ANO6: variants seen among roughly 807,000 people sequenced by gnomAD.
ANO6 encodes anoctamin 6, also known as anoctamin-6.
A neutral mutation model predicts 117.5 loss-of-function variants in ANO6; 106 were observed. The observed-to-expected ratio is 0.90, with a 90% CI of 0.77 to 1.06. ANO6 has a LOEUF of 1.06. Ranked by LOEUF, ANO6 falls within the 50% of genes least tolerant of loss-of-function variation. The probability of loss-of-function intolerance (pLI) is 0.00; values close to 1 mark genes in which losing one functional copy is unlikely to be tolerated. For missense variants in ANO6, 955 were observed against 1,121.1 expected, an observed-to-expected ratio of 0.85 and a Z score of 2.12; for synonymous variants, 367 against 385.1, an observed-to-expected ratio of 0.95 and a Z score of 0.55.
At chr12:45,376,093 A>G (rs1395290252) in intron 9 of ANO6, among the ~76,000 whole-genome samples, 19 of 151,680 alleles carry the variant, frequency 1.3e-4, no homozygotes, top group Non-Finnish European at 1.8e-4. Flanking sequence ...CAAAAGACAC[A>G]TGAAAAAATG....
At chr12:45,428,301 A>G (rs1455227385) in intron 19 of ANO6, among the ~76,000 whole-genome samples, 1 of 152,232 alleles carries the variant, frequency 6.6e-6, no homozygotes, top group Non-Finnish European at 1.5e-5. Flanking sequence ...ATAGAATAAC[A>G]ATCTTAGGAA....
intron 1 of ANO6, among the ~76,000 whole-genome samples, chr12:45,237,042 T>A (rs1947657027): frequency 1.3e-5 from 2 of 152,260 alleles, no homozygotes; most frequent in South Asian, 4.1e-4. Flanking sequence ...GAGAAGTGTC[T>A]GTTCATATCC....
chr12:45,395,576 G>A (rs1476163967), intron 12 of ANO6, among the ~76,000 whole-genome samples: 3 of 152,148 alleles, frequency 2.0e-5, no homozygotes, highest in African/African-American at 4.8e-5. Flanking sequence ...GATGAACATC[G>A]ATGTGAAAAT....
downstream of ANO6, among the ~76,000 whole-genome samples, chr12:45,435,058 C>T (rs933098944): frequency 3.9e-5 from 6 of 152,204 alleles, no homozygotes; most frequent in Non-Finnish European, 7.3e-5. Context: ...TCTCTTGAAG[C>T]TCTATTACCT....
chr12:45,415,644 G>A (rs1416353602), intron 16 of ANO6, among the ~76,000 whole-genome samples: 1 of 152,240 alleles, frequency 6.6e-6, no homozygotes, highest in African/African-American at 2.4e-5. Context: ...CTCTGCATGA[G>A]TGTTCCTGCC....
chr12:45,255,384 T>C (rs1020982946), intron 1 of ANO6, among the ~76,000 whole-genome samples: 1 of 152,102 alleles, frequency 6.6e-6, no homozygotes, highest in African/African-American at 2.4e-5. Context: ...GCACCTGTAG[T>C]CCCAGCTACT....
chr12:45,335,721 G>T (rs954112799), intron 3 of ANO6: 1 of 152,004 alleles, frequency 6.6e-6, no homozygotes, highest in African/African-American at 2.4e-5. Context: ...TATTCAACCT[G>T]TAGTGTCCAT....
At chr12:45,414,369 G>A (rs1161525196) in intron 16 of ANO6, among the ~76,000 whole-genome samples, 1 of 151,898 alleles carries the variant, frequency 6.6e-6, no homozygotes, top group African/African-American at 2.4e-5. Flanking sequence ...AATTATATGG[G>A]CTTTTTCTGG....
chr12:45,370,042 C>T (rs986452028), intron 9 of ANO6, among the ~76,000 whole-genome samples: 4 of 152,234 alleles, frequency 2.6e-5, no homozygotes, highest in African/African-American at 9.6e-5. Context: ...CCTACATATG[C>T]AGCTCTTTCT....
At position 45,367,740 on chromosome 12, in the gene ANO6, T is replaced by C. The variant is rs1286408831; in HGVS notation, c.1051T>C (p.Cys351Arg). The change falls in exon 9 of 20, where the codon TGT becomes CGT. Residue 351 changes from cysteine (C) to arginine (R), a missense_variant. Coordinates refer to ENST00000320560, the MANE Select transcript of ANO6 (RefSeq NM_001025356.3). ...TGGCAAGATCATAATGTGTCCTCAGTGTGATAGGCTTTGTCCATTCTGGAA... is the reference window on the plus strand; with the variant it reads ...TGGCAAGATCATAATGTGTCCTCAGCGTGATAGGCTTTGTCCATTCTGGAA... ...IGGKIIMCPQ[C>R]DRLCPFWKLN... 1 of 1,613,770 alleles carries C rather than the reference T, an allele frequency of 6.2e-7. No individual in the cohort carries two copies. The highest frequency in any genetic ancestry group is 1.3e-5 in the African/African-American group (1 of 75,054).
chr12:45,311,035 T>C (rs1939833129), intron 2 of ANO6, among the ~76,000 whole-genome samples: 1 of 152,090 alleles, frequency 6.6e-6, no homozygotes, highest in Admixed American at 6.6e-5. Flanking sequence ...TGGAGGTTGT[T>C]AGATTGACAG....
intron 10 of ANO6, among the ~76,000 whole-genome samples, chr12:45,386,144 G>A (rs1280435439): frequency 6.6e-6 from 1 of 152,134 alleles, no homozygotes; most frequent in Non-Finnish European, 1.5e-5. Context: ...TTACAGGGTG[G>A]TACCTGGGCT....
At chr12:45,374,052 C>T (rs1415128164) in intron 9 of ANO6, among the ~76,000 whole-genome samples, 1 of 151,702 alleles carries the variant, frequency 6.6e-6, no homozygotes, top group African/African-American at 2.4e-5. Flanking sequence ...ATACAAACTA[C>T]CATCAGAGAA....
At chr12:45,386,582 G>T (rs1251218878) in intron 10 of ANO6, among the ~76,000 whole-genome samples, 1 of 152,206 alleles carries the variant, frequency 6.6e-6, no homozygotes, top group Non-Finnish European at 1.5e-5. Flanking sequence ...CCTGCCAGCA[G>T]GTCTCCCTGC....
intron 12 of ANO6, among the ~76,000 whole-genome samples, chr12:45,395,296 A>G (rs1942579604): frequency 6.6e-6 from 1 of 152,228 alleles, no homozygotes; most frequent in Non-Finnish European, 1.5e-5. Context: ...ACCAGGAAGA[A>G]GTTGAATCTC....
intron 3 of ANO6, among the ~76,000 whole-genome samples, chr12:45,339,718 A>G (rs1186014247): frequency 1.3e-5 from 2 of 152,030 alleles, no homozygotes; most frequent in African/African-American, 4.8e-5. Flanking sequence ...TGCTTACCAA[A>G]CCTTCGGGAG....
intron 2 of ANO6, among the ~76,000 whole-genome samples, chr12:45,303,546 C>T (rs1319620844): frequency 6.6e-6 from 1 of 152,182 alleles, no homozygotes; most frequent in Non-Finnish European, 1.5e-5. Flanking sequence ...CGCACCAATT[C>T]CCTATGTGAA....
At position 45,431,145 on chromosome 12, in the gene ANO6, G is replaced by A; in HGVS notation, c.*1834G>A. ...CCATTTCACTGTCTCTCTTGATCGTGTTAATGATGCAATCAGAGTTCAAGA... is the reference window on the plus strand; with the variant it reads ...CCATTTCACTGTCTCTCTTGATCGTATTAATGATGCAATCAGAGTTCAAGA... On this transcript the variant is annotated 3_prime_UTR_variant, in exon 20 of 20. Coordinates refer to ENST00000320560, the MANE Select transcript of ANO6 (RefSeq NM_001025356.3). 3.0e-6 allele frequency: 3 copies of A among 985,314 alleles called. No individual in the cohort carries two copies. The highest frequency in any genetic ancestry group is 3.6e-6 in the Non-Finnish European group (3 of 829,840). 61.0% of individuals were successfully genotyped at this position (985,314 alleles called of 1,614,324 possible).
chr12:45,277,979 G>C lies in ANO6; in HGVS notation c.71-24035G>C, dbSNP rs184288921. Among the ~76,000 whole-genome samples, 238 of 152,008 alleles carry C rather than the reference G, an allele frequency of 1.6e-3. 1 individual carries two copies. The highest frequency in any genetic ancestry group is 5.7e-3 in the African/African-American group (235 of 41,448). ...TATTATATGTATTTTTTAGAGATAG[G>C]GTCTTGCTCTGTTGCCCAGGCTGGA... is the stretch of plus-strand genomic sequence containing the variant. On this transcript the variant is annotated intron_variant, in intron 1 of 19. Transcript: ENST00000320560.
Sources: allele counts gnomAD v4.1 joint callset (sites outside exome capture counted in the v4.1 genomes callset), GRCh38; gene constraint gnomAD v4.1.1; transcripts MANE v1.5; gene names NCBI Gene and HGNC (gene_info 2026-07-23, HGNC 2026-07-21).